Variants in TIMP3 observed in about 807,000 individuals in gnomAD.
TIMP3 encodes the protein TIMP metallopeptidase inhibitor 3.
Under a neutral mutation model 30.0 loss-of-function variants are expected in TIMP3, and 11 were observed. The observed-to-expected ratio is 0.37, with a 90% CI of 0.23 to 0.61. TIMP3 has a LOEUF of 0.61. Ranked by LOEUF, TIMP3 falls within the 20% of genes least tolerant of loss-of-function variation. TIMP3 has a pLI of 0.70. For synonymous variants in TIMP3, 112 were observed against 111.3 expected (o/e 1.01, Z -0.04); for missense variants, 181 against 276.8 (o/e 0.65, Z 2.45).
In TIMP3 at chr22:32,819,981, T is replaced by TTTTG. The variant is rs199621461; in HGVS notation, c.121+17867_121+17870dup. Among the ~76,000 whole-genome samples the TTTTG allele has an allele frequency of 5.7e-3, 868 of 152,232 alleles. 11 individuals are homozygous for TTTTG. The highest frequency in any genetic ancestry group is 0.018 in the African/African-American group (751 of 41,538). The stretch of plus-strand genomic sequence containing the variant: ...GGCTTCCTGGGAAACCCATTAGCTT[T>TTTTG]TTTGTTTGTTTTAGAGCCCAAGGGA... On this transcript the variant is annotated intron_variant, in intron 1 of 4. Coordinates refer to ENST00000266085, the MANE Select transcript of TIMP3 (RefSeq NM_000362.5).
At position 32,858,013 on chromosome 22, in the gene TIMP3, G is replaced by A; in HGVS notation, c.317-4G>A. On this transcript the variant is annotated splice_region_variant and splice_polypyrimidine_tract_variant and intron_variant, in intron 3 of 4. Transcript: ENST00000266085. ...TCTCCTTGTTTTCTTCTTTCCTCCTGTAGGTCGCGTCTATGATGGCAAGAT... is the reference window on the plus strand; with the variant it reads ...TCTCCTTGTTTTCTTCTTTCCTCCTATAGGTCGCGTCTATGATGGCAAGAT... 1.2e-6 allele frequency: 2 copies of A among 1,614,148 alleles called. No individual in the cohort carries two copies. Among genetic ancestry groups the A allele is most frequent in the Non-Finnish European group, 1.7e-6 (2 of 1,180,018 alleles).
At chr22:32,839,450 C>T (rs1327037615) in intron 1 of TIMP3, among the ~76,000 whole-genome samples, 6 of 152,084 alleles carry the variant, frequency 3.9e-5, no homozygotes, top group Non-Finnish European at 8.8e-5. Flanking sequence ...AGGTAGTCGC[C>T]TCATTGGACC....
At position 32,859,675 on chromosome 22, in the gene TIMP3, A is replaced by T; in HGVS notation, c.*298A>T. The T allele has an allele frequency of 8.0e-6, 3 of 376,758 alleles. No homozygotes were observed. Among genetic ancestry groups the T allele is most frequent in the Middle Eastern group, 7.5e-4 (1 of 1,332 alleles). The allele number at this position is 376,758 out of a possible 1,614,324, so 23.3% of individuals were successfully genotyped here. On this transcript the variant is annotated 3_prime_UTR_variant, in exon 5 of 5. Transcript: ENST00000266085. ...TCTTCTTCGTGATAATATAATCTCT[A>T]TTTTTTTAGGAAAACAAAAATGAAA...
intron 1 of TIMP3, among the ~76,000 whole-genome samples, chr22:32,848,778 A>G (rs2048139395): frequency 6.6e-6 from 1 of 152,202 alleles, no homozygotes; most frequent in Non-Finnish European, 1.5e-5. Context: ...CGCAATAGCC[A>G]TAAACAGCAG....
chr22:32,833,402 A>C (rs1465496324), intron 1 of TIMP3, among the ~76,000 whole-genome samples: 1 of 152,210 alleles, frequency 6.6e-6, no homozygotes, highest in Non-Finnish European at 1.5e-5. Flanking sequence ...GCCACAGGGA[A>C]GCAGTCCAAA....
chr22:32,856,134 T>C (rs1282210348), intron 2 of TIMP3, among the ~76,000 whole-genome samples: 2 of 152,200 alleles, frequency 1.3e-5, no homozygotes, highest in African/African-American at 2.4e-5. Context: ...AGTGAGAATG[T>C]TTTTGTGGGC....
Position 32,802,050 on chromosome 22 carries a change from G to C in TIMP3, c.49G>C (p.Gly17Arg). 1 of 1,576,818 alleles carries C rather than the reference G, an allele frequency of 6.3e-7. No individual in the cohort carries two copies. Residue 17 changes from glycine (G) to arginine (R), a missense_variant, in exon 1 of 5, where the codon GGG becomes CGG. Coordinates refer to ENST00000266085, the MANE Select transcript of TIMP3 (RefSeq NM_000362.5). Reference protein sequence around the residue: ...LIVLLGSWSLGDWGAEACTCS... With the variant: ...LIVLLGSWSLRDWGAEACTCS... The stretch of plus-strand genomic sequence containing the variant: ...CGTGCTCCTGGGCAGCTGGAGCCTG[G>C]GGGACTGGGGCGCCGAGGCGTGCAC...
chr22:32,852,329 T>C (rs532675322), intron 2 of TIMP3, among the ~76,000 whole-genome samples: 2 of 152,332 alleles, frequency 1.3e-5, no homozygotes, highest in South Asian at 2.1e-4. Context: ...CCACTCCATA[T>C]GTTTTTAGTT....
intron 1 of TIMP3, among the ~76,000 whole-genome samples, chr22:32,809,403 C>T (rs927104246): frequency 3.3e-5 from 5 of 152,188 alleles, no homozygotes; most frequent in Admixed American, 2.6e-4. Context: ...TCCAGACATG[C>T]CTTCCCTGCT....
chr22:32,816,918 A>G (rs74626257), intron 1 of TIMP3, among the ~76,000 whole-genome samples: 1,820 of 152,294 alleles, frequency 0.012, 40 homozygotes, highest in African/African-American at 0.041. Flanking sequence ...TGCACCACCA[A>G]TCTTAAGAAA....
intron 1 of TIMP3, among the ~76,000 whole-genome samples, chr22:32,836,213 G>A (rs1199078030): frequency 6.6e-6 from 1 of 152,214 alleles, no homozygotes; most frequent in Non-Finnish European, 1.5e-5. Context: ...AAGTGTGTCT[G>A]TCTTGTTCAC....
At chr22:32,816,945 G>C (rs2047100845) in intron 1 of TIMP3, among the ~76,000 whole-genome samples, 1 of 152,100 alleles carries the variant, frequency 6.6e-6, no homozygotes, top group South Asian at 2.1e-4. Flanking sequence ...TTGGAGCCGG[G>C]CACAGCGGCT....
At chr22:32,823,508 G>C (rs576037183) in intron 1 of TIMP3, among the ~76,000 whole-genome samples, 1 of 152,334 alleles carries the variant, frequency 6.6e-6, no homozygotes, top group African/African-American at 2.4e-5. Flanking sequence ...CCAGGGTCCA[G>C]TGGATTAGCA....
chr22:32,850,364 C>T (rs1388476995), intron 2 of TIMP3, among the ~76,000 whole-genome samples: 1 of 151,962 alleles, frequency 6.6e-6, no homozygotes, highest in East Asian at 1.9e-4. Context: ...CTCTCTAGCT[C>T]AGGCATTCTA....
intron 1 of TIMP3, among the ~76,000 whole-genome samples, chr22:32,827,478 C>G (rs1387209082): frequency 6.6e-6 from 1 of 152,204 alleles, no homozygotes; most frequent in African/African-American, 2.4e-5. Flanking sequence ...GTGATGATAT[C>G]TACCTCCTCC....
In TIMP3 at chr22:32,801,883, A is replaced by T; in HGVS notation, c.-119A>T. On this transcript the variant is annotated 5_prime_UTR_variant, in exon 1 of 5. In the 5' UTR this introduces an upstream ATG that the reference lacks. Coordinates refer to ENST00000266085, the MANE Select transcript of TIMP3 (RefSeq NM_000362.5). This position sits in a 1 kb window ranked among gnomAD's most constrained non-coding sequence, Gnocchi z 4.7. Reference sequence around the variant, plus strand: ...TCGGAGGGCAGCGCGCCGGAGGCCAAGGTTGCCCCGCACGGCCCGGCGGGC... The same window carrying T: ...TCGGAGGGCAGCGCGCCGGAGGCCATGGTTGCCCCGCACGGCCCGGCGGGC... The T allele has an allele frequency of 1.5e-6, 2 of 1,306,686 alleles. No homozygotes were observed. Among genetic ancestry groups the T allele is most frequent in the Non-Finnish European group, 2.0e-6 (2 of 1,023,498 alleles). The allele number at this position is 1,306,686 out of a possible 1,614,324, so 80.9% of individuals were successfully genotyped here.
chr22:32,849,675 G>C (rs751466112), intron 2 of TIMP3, 141 bp downstream of exon 2: 12 of 786,914 alleles, frequency 1.5e-5, no homozygotes, highest in African/African-American at 3.4e-5. Context: ...CTGCTGGAGA[G>C]GGAGCTGCTA....
In TIMP3 at chr22:32,837,563, G is replaced by A. The variant is rs1413572403; in HGVS notation, c.122-11889G>A. On this transcript the variant is annotated intron_variant, in intron 1 of 4. Transcript: ENST00000266085. This position sits in a 1 kb window ranked among gnomAD's most constrained non-coding sequence, Gnocchi z 4.1. ...AGACAGAGATGCATGAAATACTAAC[G>A]TTGAAGATTAGAAATGGGATGTGCA... Among the ~76,000 whole-genome samples, 1 of 152,102 alleles carries A rather than the reference G, an allele frequency of 6.6e-6. No homozygotes were observed. Among genetic ancestry groups the A allele is most frequent in the East Asian group, 1.9e-4 (1 of 5,180 alleles).
chr22:32,804,308 A>G (rs1445629691), intron 1 of TIMP3, among the ~76,000 whole-genome samples: 2 of 152,152 alleles, frequency 1.3e-5, no homozygotes, highest in Non-Finnish European at 2.9e-5. Context: ...CGCCTTGCAC[A>G]GCACCCTGCT....
Sources: gnomAD v4.1 joint callset for allele counts (sites outside exome capture counted in the v4.1 genomes callset) on GRCh38, gnomAD v4.1.1 for gene constraint, Gnocchi (gnomAD v3.1) non-coding constraint, MANE v1.5 for transcripts, NCBI Gene and HGNC (gene_info 2026-07-23, HGNC 2026-07-21) for gene names.